Variants in SSH2 observed in about 807,000 individuals in gnomAD.
SSH2 encodes the protein slingshot protein phosphatase 2, also known as protein phosphatase Slingshot homolog 2.
Under a neutral mutation model 135.2 loss-of-function variants are expected in SSH2, and 37 were observed. That is an observed-to-expected ratio of 0.27 (90% CI 0.21 to 0.36). The LOEUF (loss-of-function observed/expected upper bound fraction) is 0.36, where lower values mean the gene tolerates loss of function less well. SSH2 is among the 10% of genes least tolerant of loss of function. The pLI is 1.00. For missense variants in SSH2, 1,408 were observed against 1,765.3 expected (o/e 0.80, Z 3.63); for synonymous variants, 628 against 646.2 (o/e 0.97, Z 0.43).
chr17:29,761,335 G>A, intron 3 of SSH2: 1 of 1,087,356 alleles, frequency 9.2e-7, no homozygotes, highest in Non-Finnish European at 1.1e-6. Flanking sequence ...TCCGGCACGA[G>A]GCGCAGGCTG....
chr17:29,794,946 A>T (rs1467404045), intron 2 of SSH2, among the ~76,000 whole-genome samples: 1 of 152,212 alleles, frequency 6.6e-6, no homozygotes, highest in Non-Finnish European at 1.5e-5. Flanking sequence ...CTTTTTCTTT[A>T]AATTTGCTCC....
Position 29,913,347 on chromosome 17 carries a change from A to AAAATTATATATAT in SSH2, c.63+16590_63+16591insATATATATAATTT. On this transcript the variant is annotated intron_variant, in intron 1 of 15. Transcript: ENST00000540801. ...AAAAAAAAAAAAAAAAAAAAAAAAA[A>AAAATTATATATAT]ATATATATATATATATATATATATA... Among the ~76,000 whole-genome samples the AAAATTATATATAT allele has an allele frequency of 3.1e-4, 9 of 28,786 alleles. 3 individuals are homozygous for AAAATTATATATAT. The highest frequency in any genetic ancestry group is 4.4e-3 in the East Asian group (2 of 450). 18.9% of individuals were successfully genotyped at this position (28,786 alleles called of 152,430 possible). A position where few individuals can be genotyped will look rare whatever the true frequency, so the allele number is the denominator to read the frequency against.
At chr17:29,662,170 C>T (rs778184817) in intron 11 of SSH2, among the ~76,000 whole-genome samples, 2 of 152,122 alleles carry the variant, frequency 1.3e-5, no homozygotes, top group Non-Finnish European at 2.9e-5. Context: ...AAAGTAAGTT[C>T]ATTTCCATCT....
At chr17:29,833,745 T>C (rs1419375403) in intron 2 of SSH2, among the ~76,000 whole-genome samples, 1 of 82,742 alleles carries the variant, frequency 1.2e-5, no homozygotes, top group Non-Finnish European at 2.3e-5. Context: ...TTCCCTCCCT[T>C]CCTTCTTTCC....
At chr17:29,740,276 A>G (rs962969465) in intron 3 of SSH2, among the ~76,000 whole-genome samples, 12 of 152,226 alleles carry the variant, frequency 7.9e-5, no homozygotes, top group Non-Finnish European at 1.5e-4. Context: ...TGCTGCCACT[A>G]CAAAGTGAAA....
chr17:29,650,737 A>G lies in SSH2; in HGVS notation c.1143T>C (p.Tyr381=). 6.2e-7 allele frequency: 1 copy of G among 1,613,988 alleles called. No homozygotes were observed. The highest frequency in any genetic ancestry group is 8.5e-7 in the Non-Finnish European group (1 of 1,179,916). ...IDNFFPGVFE[Y]HNIRVYDEEA... is the part of the protein sequence containing the mutation. Reference sequence around the variant, plus strand: ...CTTCATCATATACCCGAATGTTATGATACTCAAAGACTCCTGGGAAGAAGT... The same window carrying G: ...CTTCATCATATACCCGAATGTTATGGTACTCAAAGACTCCTGGGAAGAAGT... Residue 381 remains tyrosine (Y), a synonymous_variant, in exon 13 of 16, where the codon TAT becomes TAC. Transcript: ENST00000540801.
intron 15 of SSH2, 23 bp from the exon 16 acceptor site, chr17:29,632,954 A>G: frequency 6.4e-7 from 1 of 1,564,012 alleles, no homozygotes. Flanking sequence ...AGTAGTGAGA[A>G]GATTATGGCA....
At chr17:29,894,539 G>A (rs1599154856) in intron 1 of SSH2, among the ~76,000 whole-genome samples, 2 of 152,138 alleles carry the variant, frequency 1.3e-5, no homozygotes, top group East Asian at 3.9e-4. Context: ...TATGTAAATA[G>A]CTGTTATACT....
intron 2 of SSH2, among the ~76,000 whole-genome samples, chr17:29,847,856 A>G (rs1228473113): frequency 1.3e-5 from 2 of 152,192 alleles, no homozygotes; most frequent in Non-Finnish European, 2.9e-5. Context: ...CCTTTCCTAG[A>G]AAGTTCTAAA....
At chr17:29,686,528 ATT>A (rs754504171) in intron 5 of SSH2, among the ~76,000 whole-genome samples, 5 of 140,846 alleles carry the variant, frequency 3.5e-5, no homozygotes. Flanking sequence ...CGCCCGGCTA[ATT>A]TTTTTTTTTT....
chr17:29,672,753 G>C (rs868281247), intron 8 of SSH2, among the ~76,000 whole-genome samples: 1 of 152,292 alleles, frequency 6.6e-6, no homozygotes, highest in Middle Eastern at 3.4e-3. Flanking sequence ...ACAGAGGCTG[G>C]AGTGCAGTGG....
rs549303116 is a variant in SSH2, at chr17:29,817,045, C to T, written c.145-23108G>A. ...TAATATAAATCTAAGTAAAACTACA[C>T]GAATACAAAATATTATATAGAGAAG... On this transcript the variant is annotated intron_variant, in intron 2 of 15. Transcript: ENST00000540801. Among the ~76,000 whole-genome samples, 10 of 152,200 alleles carry T rather than the reference C, an allele frequency of 6.6e-5. No individual in the cohort carries two copies. In the South Asian group the frequency reaches 8.3e-4, roughly 13 times the overall value.
chr17:29,878,685 T>C (rs1184783357), intron 1 of SSH2, among the ~76,000 whole-genome samples: 1 of 152,218 alleles, frequency 6.6e-6, no homozygotes, highest in East Asian at 1.9e-4. Flanking sequence ...CTACAGTAGA[T>C]ATTCCATATT....
At chr17:29,743,120 TG>T (rs1354323259) in intron 3 of SSH2, among the ~76,000 whole-genome samples, 1 of 152,004 alleles carries the variant, frequency 6.6e-6, no homozygotes. Flanking sequence ...TTAGTAGAGG[TG>T]AGGTTTTACT....
At chr17:29,880,605 C>A (rs1224626904) in intron 1 of SSH2, among the ~76,000 whole-genome samples, 1 of 152,146 alleles carries the variant, frequency 6.6e-6, no homozygotes, top group Non-Finnish European at 1.5e-5. Flanking sequence ...CTTATATAGG[C>A]CCAATTCATA....
chr17:29,814,934 C>T (rs1207391842), intron 2 of SSH2, among the ~76,000 whole-genome samples: 3 of 149,702 alleles, frequency 2.0e-5, no homozygotes, highest in Non-Finnish European at 4.4e-5. Flanking sequence ...GTATAAATTA[C>T]TGTTCCTTTT....
intron 3 of SSH2, among the ~76,000 whole-genome samples, chr17:29,749,657 G>A (rs1255572808): frequency 2.0e-5 from 3 of 152,192 alleles, no homozygotes; most frequent in Non-Finnish European, 2.9e-5. Flanking sequence ...CCTAGGACAT[G>A]ACTGTAACTA....
intron 10 of SSH2, 38 bp from the exon 11 acceptor site, chr17:29,667,033 G>A (rs1257499475): frequency 6.2e-7 from 1 of 1,613,468 alleles, no homozygotes; most frequent in Admixed American, 1.7e-5. Context: ...ATCTCTTAAA[G>A]TCCCTCTGTA....
At chr17:29,791,661 G>A (rs1183460033) in intron 3 of SSH2, among the ~76,000 whole-genome samples, 3 of 152,310 alleles carry the variant, frequency 2.0e-5, no homozygotes, top group South Asian at 4.1e-4. Context: ...TGGCAGGTAA[G>A]ATAAGTTTCT....
Sources: allele counts gnomAD v4.1 joint callset (sites outside exome capture counted in the v4.1 genomes callset), GRCh38; gene constraint gnomAD v4.1.1; transcripts MANE v1.5; gene names NCBI Gene and HGNC (gene_info 2026-07-23, HGNC 2026-07-21).